The following BRSK1 variants were observed in gnomAD, a reference collection of about 807,000 sequenced individuals.
BRSK1 encodes BR serine/threonine kinase 1.
Under a neutral mutation model 86.2 loss-of-function variants are expected in BRSK1, and 17 were observed. The ratio of observed to expected loss-of-function variants is 0.20; its 90% CI spans 0.14 to 0.30. The LOEUF is 0.30. BRSK1 is among the 10% of genes least tolerant of loss of function. BRSK1 has a pLI of 1.00. For missense variants in BRSK1, 719 were observed against 1,071.9 expected (o/e 0.67, Z 4.60); for synonymous variants, 464 against 440.1 (o/e 1.05, Z -0.68).
intron 18 of BRSK1, 152 bp from the exon 19 acceptor site, chr19:55,311,759 G>A (rs1388038942): frequency 3.8e-6 from 3 of 790,942 alleles, no homozygotes; most frequent in Non-Finnish European, 5.9e-6. Flanking sequence ...TCAAGGCCAG[G>A]TGCTGGACGG....
At position 55,306,246 on chromosome 19, in the gene BRSK1, G is replaced by T. The variant is rs2305784; in HGVS notation, c.1891-6G>T. The T allele has an allele frequency of 0.038, 61,929 of 1,613,634 alleles. 1,607 individuals are homozygous for T. The highest frequency in any genetic ancestry group is 0.12 in the East Asian group (5,448 of 44,870). On this transcript the variant is annotated splice_polypyrimidine_tract_variant and splice_region_variant and intron_variant, in intron 16 of 18. Coordinates refer to ENST00000309383, the MANE Select transcript of BRSK1 (RefSeq NM_032430.2). This position sits in a 1 kb window ranked among gnomAD's most constrained non-coding sequence, Gnocchi z 4.7. ...TCACCCCTTCCTGTGTTCCTACCTC[G>T]CTCAGATCCCCAGCCTGAGTCACAG... is the stretch of plus-strand genomic sequence containing the variant.
At position 55,302,203 on chromosome 19, in the gene BRSK1, G is replaced by A; in HGVS notation, c.857+35G>A. ...GGGTAACTGGACTCTTGGGTCCCTGGCGGAAATAGGGGAGGGGCCAAAGCA... is the reference window on the plus strand; with the variant it reads ...GGGTAACTGGACTCTTGGGTCCCTGACGGAAATAGGGGAGGGGCCAAAGCA... On this transcript the variant is annotated intron_variant, in intron 9 of 18. Coordinates refer to ENST00000309383, the MANE Select transcript of BRSK1 (RefSeq NM_032430.2). The surrounding 1 kb of genome is among the most constrained non-coding windows in gnomAD (Gnocchi z 6.3). 6.2e-7 allele frequency: 1 copy of A among 1,613,380 alleles called. No individual in the cohort carries two copies. The highest frequency in any genetic ancestry group is 8.5e-7 in the Non-Finnish European group (1 of 1,179,372).
chr19:55,291,135 A>G (rs2088399475), intron 4 of BRSK1, among the ~76,000 whole-genome samples: 1 of 151,812 alleles, frequency 6.6e-6, no homozygotes, highest in Non-Finnish European at 1.5e-5. Flanking sequence ...ATTTATTTTT[A>G]GTTTAGTTTA....
In BRSK1 at chr19:55,294,827, A is replaced by G. The variant is rs1414878765; in HGVS notation, c.678+430A>G. 6.6e-6 allele frequency among the ~76,000 whole-genome samples: 1 copy of G among 151,932 alleles called. No homozygotes were observed. The highest frequency in any genetic ancestry group is 1.5e-5 in the Non-Finnish European group (1 of 67,970). On this transcript the variant is annotated intron_variant, in intron 7 of 18. Coordinates refer to ENST00000309383, the MANE Select transcript of BRSK1 (RefSeq NM_032430.2). The surrounding 1 kb of genome is among the most constrained non-coding windows in gnomAD (Gnocchi z 4.9). ...TATTTATTTATGTATTTTGAGACAG[A>G]GTCTTGCTCTGTTGCCCAGGCTGGA... is the stretch of plus-strand genomic sequence containing the variant.
rs368055012 is a variant in BRSK1, at chr19:55,306,347, C to T, written c.1986C>T (p.Arg662=). 64 of 1,614,010 alleles carry T rather than the reference C, an allele frequency of 4.0e-5. No individual in the cohort carries two copies. Among genetic ancestry groups the T allele is most frequent in the Non-Finnish European group, 5.0e-5 (59 of 1,180,050 alleles). Residue 662 remains arginine, a synonymous_variant, in exon 17 of 19, where the codon CGC becomes CGT. Transcript: ENST00000309383. This position sits in a 1 kb window ranked among gnomAD's most constrained non-coding sequence, Gnocchi z 4.7. The part of the protein sequence containing the change: ...GGPSVFQKPV[R]FQVDISSSEG... Reference sequence around the variant, plus strand: ...CCTCCGTCTTCCAAAAGCCCGTCCGCTTCCAGGTGGACATCAGCTCCTCTG... The same window carrying T: ...CCTCCGTCTTCCAAAAGCCCGTCCGTTTCCAGGTGGACATCAGCTCCTCTG...
rs769605541 is a variant in BRSK1 at position 55,308,768 on chromosome 19, C to T, written c.2179+40C>T. Reference sequence around the variant, plus strand: ...CGTGGGTGGTGGGGGGCGTGGGTGGCGGGGGCCGTGGGTGGCGGGGGGCGT... The same window carrying T: ...CGTGGGTGGTGGGGGGCGTGGGTGGTGGGGGCCGTGGGTGGCGGGGGGCGT... On this transcript the variant is annotated intron_variant, in intron 18 of 18. Transcript: ENST00000309383. 1.4e-3 allele frequency: 196 copies of T among 137,214 alleles called. 1 individual carries two copies. The highest frequency in any genetic ancestry group is 2.1e-3 in the Non-Finnish European group (158 of 74,264). 8.5% of individuals were successfully genotyped at this position (137,214 alleles called of 1,614,324 possible). A position where few individuals can be genotyped will look rare whatever the true frequency, so the allele number is the denominator to read the frequency against.
At chr19:55,289,394 C>A (rs943006114) in intron 3 of BRSK1, 86 bp from the exon 4 acceptor site, 4 of 1,483,302 alleles carry the variant, frequency 2.7e-6, no homozygotes, top group East Asian at 4.6e-5. Flanking sequence ...AGTTCTCTGC[C>A]ACCAGGAGCC....
chr19:55,298,997 G>A (rs2088530812), intron 7 of BRSK1, among the ~76,000 whole-genome samples: 1 of 152,142 alleles, frequency 6.6e-6, no homozygotes, highest in Admixed American at 6.5e-5. Flanking sequence ...ACTTTAGGAG[G>A]CTGAGGCGGG....
intron 4 of BRSK1, 62 bp downstream of exon 4, chr19:55,289,682 G>A (rs78811144): frequency 0.055 from 86,200 of 1,581,114 alleles, 2,731 homozygotes; most frequent in Admixed American, 0.12. Context: ...GGCCCTTGGG[G>A]GCATGTGGAG....
rs1211210875 is a variant in BRSK1, at chr19:55,294,658, C to T, written c.678+261C>T. 6.6e-6 allele frequency among the ~76,000 whole-genome samples: 1 copy of T among 151,910 alleles called. No homozygotes were observed. The highest frequency in any genetic ancestry group is 1.5e-5 in the Non-Finnish European group (1 of 68,004). ...CTGGGATTGCAGGCGCCCACCACCA[C>T]TTCCAGATAATTTTTGAATTTTTAG... On this transcript the variant is annotated intron_variant, in intron 7 of 18. Coordinates refer to ENST00000309383, the MANE Select transcript of BRSK1 (RefSeq NM_032430.2). This position sits in a 1 kb window ranked among gnomAD's most constrained non-coding sequence, Gnocchi z 4.9.
intron 4 of BRSK1, among the ~76,000 whole-genome samples, chr19:55,292,911 G>A (rs1474127719): frequency 6.6e-6 from 1 of 151,988 alleles, no homozygotes; most frequent in East Asian, 1.9e-4. Context: ...AAGAGGCTAA[G>A]GCCAGAGGAT....
chr19:55,304,678 C>T lies in BRSK1; in HGVS notation c.1475C>T (p.Pro492Leu). The change falls in exon 14 of 19, where the codon CCC becomes CTC. Residue 492 changes from proline (P) to leucine (L), a missense_variant. Around this residue, in one of 6 missense-constraint regions of BRSK1, gnomAD observed 143 missense variants for 120.1 expected, o/e 1.19. Coordinates refer to ENST00000309383, the MANE Select transcript of BRSK1 (RefSeq NM_032430.2). The surrounding 1 kb of genome is among the most constrained non-coding windows in gnomAD (Gnocchi z 5.2). Reference sequence around the variant, plus strand: ...AGGGGTGGGGGCGCCGGGGAGCAGCCCCCGCCCCCCAGTGCCCGCTCCACA... The same window carrying T: ...AGGGGTGGGGGCGCCGGGGAGCAGCTCCCGCCCCCCAGTGCCCGCTCCACA... Reference protein sequence around the residue: ...GPRGGGAGEQPPPPSARSTPL... With the variant: ...GPRGGGAGEQLPPPSARSTPL... The T allele has an allele frequency of 6.7e-7, 1 of 1,484,634 alleles. No homozygotes were observed. Among genetic ancestry groups the T allele is most frequent in the Non-Finnish European group, 8.9e-7 (1 of 1,125,284 alleles). 92.0% of individuals were successfully genotyped at this position (1,484,634 alleles called of 1,614,324 possible). A position where few individuals can be genotyped will look rare whatever the true frequency, so the allele number is the denominator to read the frequency against.
chr19:55,293,588 G>A (rs1489524464), intron 4 of BRSK1, among the ~76,000 whole-genome samples: 9 of 151,652 alleles, frequency 5.9e-5, no homozygotes, highest in East Asian at 5.9e-4. Context: ...CAAGGCGGGC[G>A]GATCATGAGG....
rs995090064 is a variant in BRSK1 at position 55,284,499 on chromosome 19, C to A, written c.57C>A (p.His19Gln). ...GCTCTCCCGCCTACCACCTCCCCCA[C>A]CCCCACCCCCACCCACCCCAGCACG... ...GGGSPAYHLP[H>Q]PHPHPPQHAQ... is the part of the protein sequence containing the mutation. Residue 19 changes from histidine to glutamine, a missense_variant, in exon 1 of 19, where the codon CAC becomes CAA. His to Gln is a conservative substitution (Grantham distance 24, BLOSUM62 0). Coordinates refer to ENST00000309383, the MANE Select transcript of BRSK1 (RefSeq NM_032430.2). The A allele has an allele frequency of 4.9e-6, 5 of 1,028,360 alleles. No homozygotes were observed. The African/African-American group carries it at 5.1e-5, about 10-fold the overall frequency. The allele number at this position is 1,028,360 out of a possible 1,614,324, so 63.7% of individuals were successfully genotyped here.
chr19:55,292,029 G>A (rs1213668227), intron 4 of BRSK1, among the ~76,000 whole-genome samples: 1 of 152,164 alleles, frequency 6.6e-6, no homozygotes, highest in Non-Finnish European at 1.5e-5. Flanking sequence ...TGAAGTACTG[G>A]GATGACAGGC....
In BRSK1 at chr19:55,303,441, G is replaced by C. The variant is rs1401263049; in HGVS notation, c.1126+33G>C. 2.5e-6 allele frequency: 4 copies of C among 1,601,110 alleles called. No homozygotes were observed. Among genetic ancestry groups the C allele is most frequent in the Non-Finnish European group, 3.4e-6 (4 of 1,168,624 alleles). ...GGCAGGGCTAGGGGACCAGACACCT[G>C]GGTCTCGAGATTGGAAGAGGCTGGC... On this transcript the variant is annotated intron_variant, in intron 11 of 18. Transcript: ENST00000309383. The surrounding 1 kb of genome is among the most constrained non-coding windows in gnomAD (Gnocchi z 5.1).
At chr19:55,311,193 C>T (rs1463898996) in intron 18 of BRSK1, among the ~76,000 whole-genome samples, 3 of 152,128 alleles carry the variant, frequency 2.0e-5, no homozygotes, top group African/African-American at 4.8e-5. Context: ...AACTCCTGAC[C>T]TCAAGTGATC....
In BRSK1 at chr19:55,301,494, T is replaced by C. The variant is rs1336843184; in HGVS notation, c.679-18T>C. The C allele has an allele frequency of 1.9e-6, 3 of 1,612,334 alleles. No individual in the cohort carries two copies. The highest frequency in any genetic ancestry group is 2.5e-6 in the Non-Finnish European group (3 of 1,179,450). On this transcript the variant is annotated intron_variant, in intron 7 of 18. Transcript: ENST00000309383. ...GGTGAAATGTGCTAATGAGGGGTCC[T>C]GGTTATCTCTTGCCCAGGGGGCTCT...
At chr19:55,307,422 T>G (rs2088669119) in intron 17 of BRSK1, among the ~76,000 whole-genome samples, 1 of 151,482 alleles carries the variant, frequency 6.6e-6, no homozygotes, top group Admixed American at 6.6e-5. Flanking sequence ...GGTGGTGGGC[T>G]CCTGTAATCC....
Sources: allele counts gnomAD v4.1 joint callset (sites outside exome capture counted in the v4.1 genomes callset), GRCh38; gene constraint gnomAD v4.1.1; regional missense constraint gnomAD v4.1.1; non-coding constraint Gnocchi (gnomAD v3.1); transcripts MANE v1.5; gene names NCBI Gene and HGNC (gene_info 2026-07-23, HGNC 2026-07-21).